The following AHDC1 variants were observed in gnomAD, a reference collection of about 807,000 sequenced individuals.
The protein encoded by AHDC1 is AT-hook DNA binding motif containing 1, also known as transcription factor Gibbin.
A neutral mutation model predicts 87.9 loss-of-function variants in AHDC1; 7 were observed. The ratio of observed to expected loss-of-function variants is 0.08; its 90% CI spans 0.05 to 0.15. The LOEUF is 0.15. Among genes scored for constraint, AHDC1 ranks in the 10% least tolerant of loss-of-function variants. The pLI is 1.00. For missense variants in AHDC1, 1,841 were observed against 2,253.2 expected (o/e 0.82, Z 3.70); for synonymous variants, 1,051 against 1,006.8 (o/e 1.04, Z -0.83).
intron 3 of AHDC1, among the ~76,000 whole-genome samples, chr1:27,589,584 C>T (rs949352745): frequency 3.2e-4 from 48 of 152,208 alleles, no homozygotes; most frequent in African/African-American, 1.1e-3. Context: ...GTCTAGGCTT[C>T]GGTGTATCTA....
rs952771881 is a variant in AHDC1 at position 27,603,712 on chromosome 1, C to G, written c.-727+16G>C. The G allele has an allele frequency of 1.2e-4, 18 of 149,384 alleles. No homozygotes were observed. Among genetic ancestry groups the G allele is most frequent in the African/African-American group, 3.2e-4 (13 of 40,440 alleles). 9.3% of individuals were successfully genotyped at this position (149,384 alleles called of 1,614,324 possible). On this transcript the variant is annotated intron_variant, in intron 2 of 8. Coordinates refer to ENST00000673934, the MANE Select transcript of AHDC1 (RefSeq NM_001371928.1). ...AGCCCTGGACACCCCCGCCCCCACCCCCCCCAATAGCAAACCTGGGAGGGA... is the reference window on the plus strand; with the variant it reads ...AGCCCTGGACACCCCCGCCCCCACCGCCCCCAATAGCAAACCTGGGAGGGA...
chr1:27,583,307 T>G (rs547583999), intron 3 of AHDC1, among the ~76,000 whole-genome samples: 1 of 152,336 alleles, frequency 6.6e-6, no homozygotes, highest in South Asian at 2.1e-4. Flanking sequence ...GCCGCGTTCA[T>G]TCTCACCTCA....
chr1:27,577,742 C>T (rs990814410), intron 3 of AHDC1, among the ~76,000 whole-genome samples: 1 of 152,198 alleles, frequency 6.6e-6, no homozygotes, highest in Non-Finnish European at 1.5e-5. Context: ...CTCCTGCTCT[C>T]TCAAGGGTCC....
chr1:27,540,851 G>A (rs1292233694), intron 8 of AHDC1, among the ~76,000 whole-genome samples: 1 of 151,800 alleles, frequency 6.6e-6, no homozygotes, highest in Non-Finnish European at 1.5e-5. Flanking sequence ...TGGGAAGCTG[G>A]GCCTTGATTT....
chr1:27,568,222 G>C (rs1239361809), intron 3 of AHDC1: 2 of 152,272 alleles, frequency 1.3e-5, no homozygotes, highest in Non-Finnish European at 2.9e-5. Flanking sequence ...CTGCTCAGTG[G>C]ATGGCAGCTA....
At chr1:27,571,526 C>A (rs1168121559) in intron 3 of AHDC1, among the ~76,000 whole-genome samples, 1 of 152,086 alleles carries the variant, frequency 6.6e-6, no homozygotes, top group Non-Finnish European at 1.5e-5. Context: ...GCCCTCCCCC[C>A]AGGCTCTGGA....
At chr1:27,596,911 C>G (rs1318559719) in intron 3 of AHDC1, among the ~76,000 whole-genome samples, 1 of 152,170 alleles carries the variant, frequency 6.6e-6, no homozygotes. Flanking sequence ...TACCCTATCT[C>G]ACATACACCC....
chr1:27,594,086 T>C (rs745577690), intron 3 of AHDC1, among the ~76,000 whole-genome samples: 2 of 151,966 alleles, frequency 1.3e-5, no homozygotes, highest in Non-Finnish European at 2.9e-5. Context: ...TCTAAATCAC[T>C]CCCCTCATGC....
chr1:27,571,477 C>T (rs2088508615), intron 3 of AHDC1, among the ~76,000 whole-genome samples: 2 of 152,058 alleles, frequency 1.3e-5, no homozygotes, highest in African/African-American at 4.8e-5. Flanking sequence ...CAGGTGGGGT[C>T]AGACCGGACA....
At chr1:27,586,149 C>G (rs1470896250) in intron 3 of AHDC1, among the ~76,000 whole-genome samples, 3 of 152,228 alleles carry the variant, frequency 2.0e-5, no homozygotes, top group Admixed American at 1.3e-4. Context: ...GGCAAGCTCC[C>G]CATCCTTCCA....
intron 8 of AHDC1, among the ~76,000 whole-genome samples, chr1:27,536,970 C>T (rs2018668418): frequency 2.0e-5 from 3 of 152,092 alleles, no homozygotes; most frequent in Non-Finnish European, 4.4e-5. Flanking sequence ...GCGGTGCCTG[C>T]GGCCAGGCAG....
At position 27,591,376 on chromosome 1, in the gene AHDC1, G is replaced by T. The variant is rs79535338; in HGVS notation, c.-629+12021C>A. Among the ~76,000 whole-genome samples the T allele has an allele frequency of 8.7e-4, 133 of 152,356 alleles. 1 individual carries two copies. The East Asian group carries it at 0.023, about 27-fold the overall frequency. On this transcript the variant is annotated intron_variant, in intron 3 of 8. Transcript: ENST00000673934. ...CCCACGGGGCCCTGCAGCTCACAGG[G>T]TGTGTGACCTTGGGTGGTGACTGCT...
Position 27,598,668 on chromosome 1 carries a change from G to C in AHDC1, c.-629+4729C>G, listed in dbSNP as rs950597116. Among the ~76,000 whole-genome samples, 1 of 152,164 alleles carries C rather than the reference G, an allele frequency of 6.6e-6. No homozygotes were observed. Among genetic ancestry groups the C allele is most frequent in the Non-Finnish European group, 1.5e-5 (1 of 68,002 alleles). On this transcript the variant is annotated intron_variant, in intron 3 of 8. Transcript: ENST00000673934. This position sits in a 1 kb window ranked among gnomAD's most constrained non-coding sequence, Gnocchi z 4.2. ...CCATCTACCCATAGGGACGTGGGGG[G>C]ATCACACCAGTGTCACCCCCACAAC...
chr1:27,590,275 G>A lies in AHDC1; in HGVS notation c.-629+13122C>T, dbSNP rs751913952. Reference sequence around the variant, plus strand: ...TGGGTCCCTGGGGCCAGGCAGCAGCGAGTTCCCTGGGGAGCTGGGCGGGGA... The same window carrying A: ...TGGGTCCCTGGGGCCAGGCAGCAGCAAGTTCCCTGGGGAGCTGGGCGGGGA... On this transcript the variant is annotated intron_variant, in intron 3 of 8. Transcript: ENST00000673934. This position sits in a 1 kb window ranked among gnomAD's most constrained non-coding sequence, Gnocchi z 5.4. Among the ~76,000 whole-genome samples the A allele has an allele frequency of 3.9e-5, 6 of 152,170 alleles. No individual in the cohort carries two copies. The highest frequency in any genetic ancestry group is 7.4e-5 in the Non-Finnish European group (5 of 68,006).
chr1:27,583,153 C>T (rs141717605), intron 3 of AHDC1, among the ~76,000 whole-genome samples: 276 of 152,292 alleles, frequency 1.8e-3, no homozygotes, highest in Non-Finnish European at 3.2e-3. Context: ...CAGGCGTGAG[C>T]CACCATGCCT....
At position 27,548,600 on chromosome 1, in the gene AHDC1, C is replaced by T. The variant is rs200833371; in HGVS notation, c.3516G>A (p.Gln1172=). 3 of 1,613,602 alleles carry T rather than the reference C, an allele frequency of 1.9e-6. No homozygotes were observed. In the East Asian group the frequency reaches 6.7e-5, roughly 36 times the overall value. ...TFSESSSDST[Q]FNQPVGGGGF... is the part of the protein sequence containing the mutation. ...CCCCGCCACCAACCGGCTGATTGAA[C>T]TGGGTGCTGTCGGAGGATGACTCAG... Residue 1172 remains glutamine, a synonymous_variant, in exon 8 of 9, where the codon CAG becomes CAA. Transcript: ENST00000673934.
At chr1:27,580,106 C>T (rs561342887) in intron 3 of AHDC1, among the ~76,000 whole-genome samples, 1 of 152,242 alleles carries the variant, frequency 6.6e-6, no homozygotes, top group East Asian at 1.9e-4. Context: ...GCCCATGGGC[C>T]CTTCTTGATG....
intron 3 of AHDC1, among the ~76,000 whole-genome samples, chr1:27,579,662 A>C (rs2088855845): frequency 1.3e-5 from 2 of 152,206 alleles, no homozygotes; most frequent in Non-Finnish European, 2.9e-5. Context: ...GAGGTTGGCA[A>C]ACTATGGTCC....
chr1:27,582,047 G>A (rs576457949), intron 3 of AHDC1, among the ~76,000 whole-genome samples: 3 of 152,208 alleles, frequency 2.0e-5, no homozygotes, highest in East Asian at 1.9e-4. Context: ...CCCTGATTCC[G>A]CCAGACCAGC....
Sources: allele counts gnomAD v4.1 joint callset (sites outside exome capture counted in the v4.1 genomes callset), GRCh38; gene constraint gnomAD v4.1.1; non-coding constraint Gnocchi (gnomAD v3.1); transcripts MANE v1.5; gene names NCBI Gene and HGNC (gene_info 2026-07-23, HGNC 2026-07-21).